The following FAT3 variants were observed in gnomAD, a reference collection of about 807,000 sequenced individuals.
The protein encoded by FAT3 is FAT atypical cadherin 3.
In FAT3, 95 loss-of-function variants were observed where a neutral mutation model predicts 310.2. The ratio of observed to expected loss-of-function variants is 0.31; its 90% confidence interval spans 0.26 to 0.36. FAT3 has a LOEUF of 0.36. Among genes scored for constraint, FAT3 ranks in the 10% least tolerant of loss-of-function variants. The pLI is 1.00. For missense variants in FAT3, 5,408 were observed against 5,715.6 expected (o/e 0.95, Z 1.74); for synonymous variants, 2,314 against 2,192.9 (o/e 1.06, Z -1.54).
At chr11:92,475,373 G>A (rs986856220) in intron 2 of FAT3, among the ~76,000 whole-genome samples, 1 of 151,846 alleles carries the variant, frequency 6.6e-6, no homozygotes, top group African/African-American at 2.4e-5. Flanking sequence ...TTTTGTCCTT[G>A]GGTCACTGAT....
At chr11:92,766,594 T>G (rs1414677698) in intron 6 of FAT3, 1 of 152,236 alleles carries the variant, frequency 6.6e-6, no homozygotes, top group Non-Finnish European at 1.5e-5. Flanking sequence ...TTTGATGAAA[T>G]GATGGTGGAA....
chr11:92,321,306 G>A (rs1198712505), intron 1 of FAT3, among the ~76,000 whole-genome samples: 3 of 151,800 alleles, frequency 2.0e-5, no homozygotes, highest in African/African-American at 7.3e-5. Flanking sequence ...GCGTGGTGGC[G>A]GGTGCCTGTA....
At chr11:92,278,545 T>C (rs73544674) in intron 1 of FAT3, among the ~76,000 whole-genome samples, 3,214 of 152,216 alleles carry the variant, frequency 0.021, 121 homozygotes, top group African/African-American at 0.074. Flanking sequence ...GGAAGTTGCA[T>C]TGTGTAGACA....
chr11:92,262,909 T>C (rs1865616717), intron 1 of FAT3, among the ~76,000 whole-genome samples: 1 of 152,078 alleles, frequency 6.6e-6, no homozygotes, highest in Non-Finnish European at 1.5e-5. Context: ...TAGAGGCAAT[T>C]ACTGTCGTCA....
intron 19 of FAT3, among the ~76,000 whole-genome samples, chr11:92,851,039 A>G (rs924348572): frequency 1.3e-5 from 2 of 152,204 alleles, no homozygotes; most frequent in Admixed American, 6.5e-5. Flanking sequence ...GACAAGGTGC[A>G]TGAAAAAACA....
chr11:92,259,214 G>T (rs1195385141), intron 1 of FAT3, among the ~76,000 whole-genome samples: 1 of 152,050 alleles, frequency 6.6e-6, no homozygotes, highest in African/African-American at 2.4e-5. Context: ...AGAATGAAAT[G>T]GTTCAAGCAG....
intron 2 of FAT3, among the ~76,000 whole-genome samples, chr11:92,401,451 C>T (rs867314100): frequency 9.2e-5 from 14 of 152,024 alleles, no homozygotes; most frequent in Non-Finnish European, 7.4e-5. Flanking sequence ...AGCTGGGAGA[C>T]GAGAATTTGG....
intron 9 of FAT3, among the ~76,000 whole-genome samples, chr11:92,793,988 T>TAGGCACCC (rs1275703155): frequency 2.0e-5 from 3 of 152,138 alleles, no homozygotes; most frequent in African/African-American, 7.2e-5. Context: ...TTTCTTGTAT[T>TAGGCACCC]AGGCACCCAC....
intron 2 of FAT3, among the ~76,000 whole-genome samples, chr11:92,433,347 C>T (rs1009271503): frequency 7.2e-5 from 11 of 152,158 alleles, no homozygotes; most frequent in African/African-American, 2.2e-4. Flanking sequence ...TCTTGAAACC[C>T]AGGGCCCTAA....
intron 2 of FAT3, among the ~76,000 whole-genome samples, chr11:92,521,207 G>T (rs1380088737): frequency 6.6e-6 from 1 of 152,096 alleles, no homozygotes; most frequent in Non-Finnish European, 1.5e-5. Flanking sequence ...GTCAGGCAAG[G>T]TGACAAATAA....
intron 1 of FAT3, among the ~76,000 whole-genome samples, chr11:92,277,544 T>C (rs1012021869): frequency 6.6e-6 from 1 of 152,168 alleles, no homozygotes; most frequent in Non-Finnish European, 1.5e-5. Flanking sequence ...AATGAAATCA[T>C]GTCCTTTGCA....
intron 1 of FAT3, among the ~76,000 whole-genome samples, chr11:92,271,553 A>G (rs1367879539): frequency 6.6e-6 from 1 of 152,128 alleles, no homozygotes; most frequent in Non-Finnish European, 1.5e-5. Context: ...CTACTGCACA[A>G]GCTTAAGGTC....
In FAT3 at chr11:92,354,780, G is replaced by T; in HGVS notation, c.2668G>T (p.Asp890Tyr). 1 of 1,613,874 alleles carries T rather than the reference G, an allele frequency of 6.2e-7. No individual in the cohort carries two copies. The highest frequency in any genetic ancestry group is 1.1e-5 in the South Asian group (1 of 91,064). Residue 890 changes from aspartate to tyrosine, a missense_variant, in exon 2 of 28, where the codon GAC becomes TAC. Asp to Tyr is a radical substitution (Grantham distance 160). Transcript: ENST00000525166. ...NSSTGIVYVA[D>Y]QLDRESKANY... ...CTCAACTGGAATCGTTTATGTAGCCGACCAGTTGGACCGGGAATCCAAAGC... is the reference window on the plus strand; with the variant it reads ...CTCAACTGGAATCGTTTATGTAGCCTACCAGTTGGACCGGGAATCCAAAGC...
In FAT3 at chr11:92,892,963, A is replaced by C. The variant is rs1185440765; in HGVS notation, c.*1850A>C. The C allele has an allele frequency of 2.0e-5, 3 of 152,200 alleles. No homozygotes were observed. The highest frequency in any genetic ancestry group is 2.0e-4 in the Admixed American group (3 of 15,278). 9.4% of individuals were successfully genotyped at this position (152,200 alleles called of 1,614,324 possible). On this transcript the variant is annotated 3_prime_UTR_variant, in exon 28 of 28. Transcript: ENST00000525166. The stretch of plus-strand genomic sequence containing the variant: ...GATTACGGCCGCCTGTGCAGTGGCC[A>C]TGGTAAATATATGCATATTTGCACT...
Position 92,629,006 on chromosome 11 carries a change from A to G in FAT3, c.3608-68378A>G, listed in dbSNP as rs147488596. On this transcript the variant is annotated intron_variant, in intron 3 of 27. Coordinates refer to ENST00000525166, the MANE Select transcript of FAT3 (RefSeq NM_001367949.2). ...TTAAGCTTTCTTTTCATAATGTGGTAGAACTTATCTTCTGCTCTTAAGCAG... is the reference window on the plus strand; with the variant it reads ...TTAAGCTTTCTTTTCATAATGTGGTGGAACTTATCTTCTGCTCTTAAGCAG... 2.4e-3 allele frequency among the ~76,000 whole-genome samples: 367 copies of G among 152,386 alleles called. 1 individual carries two copies. Among genetic ancestry groups the G allele is most frequent in the Middle Eastern group, 6.8e-3 (2 of 294 alleles).
intron 1 of FAT3, among the ~76,000 whole-genome samples, chr11:92,311,061 T>C (rs1247182460): frequency 1.3e-5 from 2 of 151,846 alleles, no homozygotes; most frequent in East Asian, 3.9e-4. Flanking sequence ...CACACACATA[T>C]ATGTGTACAT....
chr11:92,347,273 G>A (rs1948444422), intron 1 of FAT3, among the ~76,000 whole-genome samples: 1 of 152,112 alleles, frequency 6.6e-6, no homozygotes, highest in African/African-American at 2.4e-5. Context: ...TTTGCAGTTT[G>A]AACACGGGTC....
At chr11:92,563,576 T>G (rs933190862) in intron 3 of FAT3, among the ~76,000 whole-genome samples, 1 of 152,186 alleles carries the variant, frequency 6.6e-6, no homozygotes, top group Non-Finnish European at 1.5e-5. Context: ...TCATTTTCAC[T>G]GAGAAATTCA....
At chr11:92,541,813 C>A (rs754491061) in intron 3 of FAT3, among the ~76,000 whole-genome samples, 2 of 151,950 alleles carry the variant, frequency 1.3e-5, no homozygotes, top group African/African-American at 4.8e-5. Context: ...GGAAAATGCC[C>A]GTTACTTTTA....
Sources: gnomAD v4.1 joint callset for allele counts (sites outside exome capture counted in the v4.1 genomes callset) on GRCh38, gnomAD v4.1.1 for gene constraint, MANE v1.5 for transcripts, NCBI Gene and HGNC (gene_info 2026-07-23, HGNC 2026-07-21) for gene names.